Variants in CNTNAP2 observed in about 807,000 individuals in gnomAD.
CNTNAP2 encodes contactin associated protein 2, also known as contactin-associated protein-like 2.
CNTNAP2 carries 98 observed loss-of-function variants against 155.2 expected under a neutral mutation model. That is an observed-to-expected ratio of 0.63 (90% CI 0.54 to 0.75). The LOEUF (loss-of-function observed/expected upper bound fraction) is 0.75. Ranked by LOEUF, CNTNAP2 falls within the 30% of genes least tolerant of loss-of-function variation. The pLI, the probability that CNTNAP2 is intolerant of heterozygous loss-of-function variation, is 0.00. For synonymous variants in CNTNAP2, 651 were observed against 631.2 expected (o/e 1.03, Z -0.47); for missense variants, 1,727 against 1,688.1 (o/e 1.02, Z -0.40).
chr7:146,345,880 G>GTC (rs1314607295), intron 1 of CNTNAP2, among the ~76,000 whole-genome samples: 1 of 152,110 alleles, frequency 6.6e-6, no homozygotes, highest in Admixed American at 6.5e-5. Flanking sequence ...CTAGTCACTA[G>GTC]TCTCACAGTT....
intron 13 of CNTNAP2, among the ~76,000 whole-genome samples, chr7:147,855,499 A>G (rs375916672): frequency 6.6e-6 from 1 of 152,060 alleles, no homozygotes; most frequent in African/African-American, 2.4e-5. Context: ...TTAAAATTAC[A>G]GTGTAGGCTC....
chr7:147,575,327 G>T (rs1268389666), intron 12 of CNTNAP2, among the ~76,000 whole-genome samples: 1 of 146,828 alleles, frequency 6.8e-6, no homozygotes, highest in Non-Finnish European at 1.5e-5. Flanking sequence ...ATATGTGTGT[G>T]TGTGTGTGTG....
chr7:146,658,119 A>G (rs1379399187), intron 1 of CNTNAP2, among the ~76,000 whole-genome samples: 1 of 152,186 alleles, frequency 6.6e-6, no homozygotes, highest in African/African-American at 2.4e-5. Flanking sequence ...GTTGAGAGTG[A>G]TAATGGTACC....
intron 1 of CNTNAP2, among the ~76,000 whole-genome samples, chr7:146,347,138 T>TA (rs59530824): frequency 0.04 from 3,698 of 93,340 alleles, 58 homozygotes; most frequent in Middle Eastern, 0.042. Flanking sequence ...CCATACTCTG[T>TA]AAAAAAAAAA....
chr7:148,054,674 T>G (rs912972218), intron 15 of CNTNAP2, among the ~76,000 whole-genome samples: 1 of 152,012 alleles, frequency 6.6e-6, no homozygotes. Flanking sequence ...GTTCACATGG[T>G]CAATAAGATC....
At chr7:148,165,529 T>C (rs1805638522) in intron 17 of CNTNAP2, among the ~76,000 whole-genome samples, 1 of 152,172 alleles carries the variant, frequency 6.6e-6, no homozygotes, top group Admixed American at 6.5e-5. Flanking sequence ...TACTCAATAA[T>C]AGCAATAATC....
intron 8 of CNTNAP2, among the ~76,000 whole-genome samples, chr7:147,153,799 A>C (rs1801871938): frequency 6.6e-6 from 1 of 152,176 alleles, no homozygotes; most frequent in African/African-American, 2.4e-5. Flanking sequence ...CACATTGTAA[A>C]AGGTCATTCT....
chr7:146,715,409 CTG>C (rs2129176060), intron 1 of CNTNAP2, among the ~76,000 whole-genome samples: 1 of 152,292 alleles, frequency 6.6e-6, no homozygotes, highest in Non-Finnish European at 1.5e-5. Flanking sequence ...TTTGGTGACT[CTG>C]TATATTAACA....
At chr7:146,934,083 A>G (rs1796852144) in intron 3 of CNTNAP2, among the ~76,000 whole-genome samples, 2 of 152,218 alleles carry the variant, frequency 1.3e-5, no homozygotes, top group South Asian at 4.1e-4. Flanking sequence ...CAGCCATCCT[A>G]TTACTGGGTA....
At chr7:147,579,054 A>G (rs968614832) in intron 12 of CNTNAP2, among the ~76,000 whole-genome samples, 3 of 152,062 alleles carry the variant, frequency 2.0e-5, no homozygotes, top group African/African-American at 4.8e-5. Flanking sequence ...CTTCCCAGTC[A>G]CTTTAGTAAA....
intron 11 of CNTNAP2, among the ~76,000 whole-genome samples, chr7:147,537,016 C>T (rs184965603): frequency 3.8e-4 from 58 of 152,286 alleles, no homozygotes; most frequent in Non-Finnish European, 6.3e-4. Flanking sequence ...TATTAAGATT[C>T]AACCAGTTTC....
Position 147,054,439 on chromosome 7 carries a change from T to C in CNTNAP2, c.550+10385T>C, listed in dbSNP as rs188941846. On this transcript the variant is annotated intron_variant, in intron 4 of 23. Transcript: ENST00000361727. ...ATCTTACCTCCTGAGATACGTTAAC[T>C]ACTTTTTATATATATGTTAATTTTT... Among the ~76,000 whole-genome samples, 190 of 152,312 alleles carry C rather than the reference T, an allele frequency of 1.2e-3. 3 individuals are homozygous for C. Among genetic ancestry groups the C allele is most frequent in the African/African-American group, 4.0e-3 (167 of 41,590 alleles).
At chr7:147,836,817 T>C (rs1256058439) in intron 13 of CNTNAP2, among the ~76,000 whole-genome samples, 2 of 152,218 alleles carry the variant, frequency 1.3e-5, no homozygotes, top group Non-Finnish European at 2.9e-5. Context: ...TATTCAAACT[T>C]ATAGCTGTTC....
chr7:147,178,228 T>C (rs1399798143), intron 8 of CNTNAP2, among the ~76,000 whole-genome samples: 1 of 152,120 alleles, frequency 6.6e-6, no homozygotes, highest in Non-Finnish European at 1.5e-5. Flanking sequence ...ACGGAGACTG[T>C]TTATTATCTG....
chr7:148,214,286 C>T (rs1418790722), intron 18 of CNTNAP2, among the ~76,000 whole-genome samples: 1 of 152,204 alleles, frequency 6.6e-6, no homozygotes, highest in Non-Finnish European at 1.5e-5. Context: ...TAGATGTTTG[C>T]TGAAAGCTAA....
chr7:148,187,200 A>G (rs945408936), intron 18 of CNTNAP2, among the ~76,000 whole-genome samples: 1 of 152,170 alleles, frequency 6.6e-6, no homozygotes, highest in African/African-American at 2.4e-5. Context: ...TAAGTCTTAG[A>G]TAACAAGATA....
chr7:147,988,737 C>A (rs962204829), intron 15 of CNTNAP2, among the ~76,000 whole-genome samples: 3 of 152,164 alleles, frequency 2.0e-5, no homozygotes, highest in African/African-American at 7.2e-5. Flanking sequence ...CGGGAGATTT[C>A]TCTGCAAATT....
At chr7:146,384,994 T>C (rs1184825327) in intron 1 of CNTNAP2, among the ~76,000 whole-genome samples, 1 of 152,220 alleles carries the variant, frequency 6.6e-6, no homozygotes, top group Non-Finnish European at 1.5e-5. Context: ...CTTCAGTATA[T>C]TTGGTGAATG....
At chr7:148,131,114 G>A (rs79224493) in intron 16 of CNTNAP2, among the ~76,000 whole-genome samples, 1 of 4,374 alleles carries the variant, frequency 2.3e-4, no homozygotes, top group African/African-American at 1.2e-3. Flanking sequence ...TTTTTTTTTT[G>A]AGACAGAGTC....
Sources: allele counts gnomAD v4.1 joint callset (sites outside exome capture counted in the v4.1 genomes callset), GRCh38; gene constraint gnomAD v4.1.1; transcripts MANE v1.5; gene names NCBI Gene and HGNC (gene_info 2026-07-23, HGNC 2026-07-21).